Variants in SLC14A2 observed in about 807,000 individuals in gnomAD.
SLC14A2 encodes the protein solute carrier family 14 member 2, also known as urea transporter 2.
A neutral mutation model predicts 104.6 loss-of-function variants in SLC14A2; 91 were observed. That is an observed-to-expected ratio of 0.87 (90% CI 0.73 to 1.04). The LOEUF (loss-of-function observed/expected upper bound fraction) is 1.04, where lower values mean the gene tolerates loss of function less well. Ranked by LOEUF, SLC14A2 falls within the 50% of genes least tolerant of loss-of-function variation. SLC14A2 has a pLI of 0.00. For synonymous variants in SLC14A2, 476 were observed against 466.4 expected (o/e 1.02, Z -0.27); for missense variants, 1,189 against 1,156.0 (o/e 1.03, Z -0.41).
At chr18:45,181,957 T>C in the SLC14A2 span, among the ~76,000 whole-genome samples, 2 of 151,982 alleles carry the variant, frequency 1.3e-5, no homozygotes, top group Non-Finnish European at 2.9e-5. Flanking sequence ...AAAAGTACAA[T>C]TACAAACTGG....
chr18:45,451,373 C>T (rs1199185479), intron 1 of SLC14A2, among the ~76,000 whole-genome samples: 2 of 151,858 alleles, frequency 1.3e-5, no homozygotes, highest in Non-Finnish European at 2.9e-5. Context: ...GAAAGCAATT[C>T]AACAATTAAA....
intron 1 of SLC14A2, among the ~76,000 whole-genome samples, chr18:45,365,334 A>G (rs1025449043): frequency 6.6e-6 from 1 of 152,240 alleles, no homozygotes; most frequent in Admixed American, 6.5e-5. Context: ...ACTTCTTACT[A>G]TATGTACCCT....
At chr18:45,264,494 T>C (rs954231492) in intron 1 of SLC14A2, among the ~76,000 whole-genome samples, 1 of 152,156 alleles carries the variant, frequency 6.6e-6, no homozygotes, top group Non-Finnish European at 1.5e-5. Context: ...TTTTTTTTGC[T>C]GCTGATAAAG....
At chr18:45,204,810 T>TA in the SLC14A2 span, among the ~76,000 whole-genome samples, 1,510 of 138,194 alleles carry the variant, frequency 0.011, 23 homozygotes, top group African/African-American at 0.029. Context: ...ATCACTGAGA[T>TA]AAAAAAAAAA....
In SLC14A2 at chr18:45,631,168, CA is replaced by C. The variant is rs150051336; in HGVS notation, c.522-1180del. Reference sequence around the variant, plus strand: ...GTTTAGCACGCCCACATTATTCATTCAACAAATACTAGCTGAGCACCCTCCA... The same window carrying C: ...GTTTAGCACGCCCACATTATTCATTCACAAATACTAGCTGAGCACCCTCCA... On this transcript the variant is annotated intron_variant, in intron 4 of 19. Transcript: ENST00000255226. Among the ~76,000 whole-genome samples the C allele has an allele frequency of 7.0e-3, 1,068 of 152,318 alleles. 8 individuals carry two copies. The highest frequency in any genetic ancestry group is 9.5e-3 in the Non-Finnish European group (649 of 68,026).
intron 4 of SLC14A2, among the ~76,000 whole-genome samples, chr18:45,632,084 CACAG>C (rs1423892351): frequency 3.3e-5 from 5 of 152,036 alleles, no homozygotes; most frequent in African/African-American, 9.7e-5. Flanking sequence ...AGAGCTTAAC[CACAG>C]ACAAAGTGCA....
chr18:45,357,237 A>AT (rs56321113), intron 1 of SLC14A2, among the ~76,000 whole-genome samples: 41,040 of 126,350 alleles, frequency 0.32, 7,250 homozygotes, highest in African/African-American at 0.42. Flanking sequence ...TTGGGACACA[A>AT]TTTTTTTTTT....
At chr18:45,242,975 G>A (rs190839812) in intron 1 of SLC14A2, among the ~76,000 whole-genome samples, 1 of 152,312 alleles carries the variant, frequency 6.6e-6, no homozygotes, top group Non-Finnish European at 1.5e-5. Context: ...TAATGAGATA[G>A]CCATTCCTTT....
intron 1 of SLC14A2, among the ~76,000 whole-genome samples, chr18:45,432,041 G>A (rs28734473): frequency 0.013 from 2,050 of 152,270 alleles, 43 homozygotes; most frequent in African/African-American, 0.047. Flanking sequence ...AAAACTGAGC[G>A]CAGGGCTTCA....
intron 10 of SLC14A2, among the ~76,000 whole-genome samples, chr18:45,649,513 C>A (rs2045693187): frequency 6.6e-6 from 1 of 152,190 alleles, no homozygotes; most frequent in South Asian, 2.1e-4. Context: ...TGGAGTTTAC[C>A]ATTTGTATTG....
At chr18:45,458,935 G>A (rs1396521911) in intron 1 of SLC14A2, among the ~76,000 whole-genome samples, 2 of 152,176 alleles carry the variant, frequency 1.3e-5, no homozygotes, top group South Asian at 2.1e-4. Flanking sequence ...GCTATACTTT[G>A]GAGGTAAAAA....
At position 45,350,642 on chromosome 18, in the gene SLC14A2, G is replaced by A. The variant is rs561187501; in HGVS notation, c.-124-132591G>A. Among the ~76,000 whole-genome samples, 27 of 152,116 alleles carry A rather than the reference G, an allele frequency of 1.8e-4. No individual in the cohort carries two copies. In the South Asian group the frequency reaches 3.7e-3, roughly 21 times the overall value. Reference sequence around the variant, plus strand: ...CTCGGGATGCGGTAATGCCGCTGACGCACACCACTTTCCTATTACTAGGCT... The same window carrying A: ...CTCGGGATGCGGTAATGCCGCTGACACACACCACTTTCCTATTACTAGGCT... On this transcript the variant is annotated intron_variant, in intron 1 of 20. Coordinates refer to the SLC14A2 transcript ENST00000586448.
At chr18:45,440,021 C>T (rs2086658226) in intron 1 of SLC14A2, among the ~76,000 whole-genome samples, 1 of 152,088 alleles carries the variant, frequency 6.6e-6, no homozygotes, top group Non-Finnish European at 1.5e-5. Context: ...ATGAATTGCT[C>T]TGGCATTATT....
intron 2 of SLC14A2, among the ~76,000 whole-genome samples, chr18:45,599,526 T>G (rs2044759240): frequency 6.6e-6 from 1 of 152,198 alleles, no homozygotes; most frequent in Non-Finnish European, 1.5e-5. Flanking sequence ...TTCTGTTTTG[T>G]GATGGGCTTG....
intron 2 of SLC14A2, among the ~76,000 whole-genome samples, chr18:45,485,885 G>A (rs1055923403): frequency 2.0e-4 from 30 of 152,074 alleles, no homozygotes; most frequent in African/African-American, 7.0e-4. Flanking sequence ...ACCTCAACAC[G>A]GAGACCAGCC....
At chr18:45,398,747 C>G (rs2086063839) in intron 1 of SLC14A2, among the ~76,000 whole-genome samples, 1 of 152,026 alleles carries the variant, frequency 6.6e-6, no homozygotes, top group Non-Finnish European at 1.5e-5. Flanking sequence ...CTCTCTCCAC[C>G]CAACCAACTT....
chr18:45,595,924 T>G (rs558448968), intron 2 of SLC14A2, among the ~76,000 whole-genome samples: 67 of 152,296 alleles, frequency 4.4e-4, no homozygotes, highest in African/African-American at 1.6e-3. Flanking sequence ...CCCTCTCAAA[T>G]CATGAAGCTG....
chr18:45,519,198 C>G (rs1317053273), intron 2 of SLC14A2, among the ~76,000 whole-genome samples: 1 of 152,138 alleles, frequency 6.6e-6, no homozygotes, highest in Non-Finnish European at 1.5e-5. Flanking sequence ...AGAGTTATAT[C>G]CTTAGGGAAG....
intron 2 of SLC14A2, among the ~76,000 whole-genome samples, chr18:45,493,954 T>A (rs1032257512): frequency 6.6e-6 from 1 of 152,200 alleles, no homozygotes; most frequent in East Asian, 1.9e-4. Flanking sequence ...ACATCCTTAA[T>A]CACCTAAATG....
Sources: gnomAD v4.1 joint callset for allele counts (sites outside exome capture counted in the v4.1 genomes callset) on GRCh38, gnomAD v4.1.1 for gene constraint, MANE v1.5 for transcripts, NCBI Gene and HGNC (gene_info 2026-07-23, HGNC 2026-07-21) for gene names.